Variants in MYO1B observed in about 807,000 individuals in gnomAD.
MYO1B encodes myosin IB, also known as unconventional myosin-Ib.
In MYO1B, 72 loss-of-function variants were observed where a neutral mutation model predicts 159.7. The ratio of observed to expected loss-of-function variants is 0.45; its 90% CI spans 0.37 to 0.55. MYO1B has a LOEUF of 0.55. MYO1B is among the 20% of genes least tolerant of loss of function. The probability of loss-of-function intolerance (pLI) is 0.00; values close to 1 mark genes in which losing one functional copy is unlikely to be tolerated. For missense variants in MYO1B, 1,062 were observed against 1,364.8 expected, an observed-to-expected ratio of 0.78 and a Z score of 3.50; for synonymous variants, 468 against 473.8, an observed-to-expected ratio of 0.99 and a Z score of 0.16.
rs753915369 is a variant in MYO1B, at chr2:191,423,822, A to G, written c.3288-15A>G. 22 of 1,600,696 alleles carry G rather than the reference A, an allele frequency of 1.4e-5. No homozygotes were observed. In the South Asian group the frequency reaches 2.0e-4, roughly 15 times the overall value. On this transcript the variant is annotated splice_polypyrimidine_tract_variant and intron_variant, in intron 30 of 30. Coordinates refer to ENST00000392318, the MANE Select transcript of MYO1B (RefSeq NM_001130158.3). ...TTTTGTGTATACTTTAATTTGTTTT[A>G]TTCTTTTCTCCTAGGTTCCTGGTAC...
intron 29 of MYO1B, among the ~76,000 whole-genome samples, chr2:191,415,667 A>C (rs1033990226): frequency 1.1e-4 from 17 of 151,586 alleles, no homozygotes; most frequent in African/African-American, 4.1e-4. Flanking sequence ...CCACTGCCCT[A>C]GGATATTTGT....
chr2:191,386,738 C>A (rs1280906091), intron 16 of MYO1B, among the ~76,000 whole-genome samples: 1 of 152,006 alleles, frequency 6.6e-6, no homozygotes, highest in African/African-American at 2.4e-5. Context: ...CCTTTAATTT[C>A]AAAATGTTAG....
intron 12 of MYO1B, among the ~76,000 whole-genome samples, chr2:191,369,996 A>G (rs1035539597): frequency 3.3e-5 from 5 of 152,186 alleles, no homozygotes; most frequent in Non-Finnish European, 7.3e-5. Context: ...GGACTAGGTG[A>G]TTTTGAAAGG....
At chr2:191,279,326 CT>C (rs1687917769) in intron 2 of MYO1B, among the ~76,000 whole-genome samples, 2 of 151,222 alleles carry the variant, frequency 1.3e-5, no homozygotes, top group Non-Finnish European at 2.9e-5. Context: ...TAGTATGATC[CT>C]TTTGTAAAAG....
intron 3 of MYO1B, among the ~76,000 whole-genome samples, chr2:191,315,938 G>T (rs1319894149): frequency 6.6e-6 from 1 of 152,182 alleles, no homozygotes; most frequent in Non-Finnish European, 1.5e-5. Flanking sequence ...GGGGAACAAG[G>T]TTTCGGCTCC....
intron 13 of MYO1B, among the ~76,000 whole-genome samples, chr2:191,377,094 G>A (rs1694756382): frequency 1.3e-5 from 2 of 152,208 alleles, no homozygotes; most frequent in South Asian, 4.2e-4. Flanking sequence ...ATTCTTAAAA[G>A]AAGCCCTAGC....
At chr2:191,327,942 C>G (rs537999218) in intron 3 of MYO1B, among the ~76,000 whole-genome samples, 22 of 152,252 alleles carry the variant, frequency 1.4e-4, no homozygotes, top group Non-Finnish European at 2.1e-4. Flanking sequence ...CAAAATAAGA[C>G]TAGGGGTGGC....
chr2:191,369,380 T>C (rs1306664712), intron 11 of MYO1B, among the ~76,000 whole-genome samples, 162 bp from the exon 12 acceptor site: 1 of 152,246 alleles, frequency 6.6e-6, no homozygotes, highest in African/African-American at 2.4e-5. Context: ...ATTTGCCTAA[T>C]TCTCTTAAAG....
chr2:191,315,037 G>A (rs574823872), intron 3 of MYO1B, among the ~76,000 whole-genome samples: 1 of 152,216 alleles, frequency 6.6e-6, no homozygotes, highest in South Asian at 2.1e-4. Context: ...AATGTTACAG[G>A]TGTAAGTGAA....
At chr2:191,311,416 C>A (rs1574401247) in intron 3 of MYO1B, among the ~76,000 whole-genome samples, 2 of 152,268 alleles carry the variant, frequency 1.3e-5, no homozygotes, top group East Asian at 3.9e-4. Context: ...CGGAGGGTTT[C>A]ATTTTTACTT....
chr2:191,275,803 T>C (rs1687716808), intron 1 of MYO1B, among the ~76,000 whole-genome samples: 2 of 152,232 alleles, frequency 1.3e-5, no homozygotes, highest in Non-Finnish European at 2.9e-5. Context: ...AATTTAGTTT[T>C]ACCATTTTAC....
intron 9 of MYO1B, among the ~76,000 whole-genome samples, chr2:191,362,810 A>G (rs915417764): frequency 6.6e-6 from 1 of 152,358 alleles, no homozygotes; most frequent in Middle Eastern, 3.4e-3. Context: ...ATTAGAAAAG[A>G]TGATTTTAAA....
At chr2:191,296,364 G>T (rs1317902457) in intron 3 of MYO1B, 138 bp downstream of exon 3, 3 of 338,000 alleles carry the variant, frequency 8.9e-6, no homozygotes, top group Admixed American at 5.6e-5. Context: ...AAAGTATGAA[G>T]ACTTTAATTG....
At chr2:191,346,800 T>C (rs1444697853) in intron 6 of MYO1B, among the ~76,000 whole-genome samples, 2 of 152,120 alleles carry the variant, frequency 1.3e-5, no homozygotes, top group East Asian at 3.9e-4. Flanking sequence ...CAAATCTATT[T>C]GGTGTTTTGA....
chr2:191,346,235 G>A lies in MYO1B; in HGVS notation c.452-1G>A. 2 of 1,564,608 alleles carry A rather than the reference G, an allele frequency of 1.3e-6. No individual in the cohort carries two copies. The highest frequency in any genetic ancestry group is 8.7e-7 in the Non-Finnish European group (1 of 1,153,706). On this transcript the variant is annotated splice_acceptor_variant, in intron 5 of 30. Coordinates refer to ENST00000392318, the MANE Select transcript of MYO1B (RefSeq NM_001130158.3). LOFTEE classifies it high-confidence loss of function. The stretch of plus-strand genomic sequence containing the variant: ...CCATACATCTGTTTCTTTCCTACTA[G>A]CTTTTGGAAATGCCAAAACTGTAAG...
chr2:191,413,372 ATTGAC>A (rs1483842382), intron 27 of MYO1B, among the ~76,000 whole-genome samples: 1 of 152,182 alleles, frequency 6.6e-6, no homozygotes, highest in Admixed American at 6.5e-5. Context: ...CATGTGGTTT[ATTGAC>A]CACTGTACTG....
intron 1 of MYO1B, among the ~76,000 whole-genome samples, chr2:191,255,603 TA>T (rs1240140641): frequency 1.3e-5 from 2 of 152,370 alleles, no homozygotes; most frequent in East Asian, 3.9e-4. Flanking sequence ...TAAATCAAGT[TA>T]TTAATTCTTA....
chr2:191,400,282 ATGGGTGT>A, intron 21 of MYO1B, 93 bp from the exon 22 acceptor site: 1 of 1,236,246 alleles, frequency 8.1e-7, no homozygotes, highest in East Asian at 2.3e-5. Context: ...TCACAATAGC[ATGGGTGT>A]TAGGACGATC....
rs896891970 is a variant in MYO1B, at chr2:191,344,857, A to G, written c.452-1379A>G. Reference sequence around the variant, plus strand: ...AAAAAAAAAAAAAAAAAAAAGAATCAAAAACACGAAAAAGCCACTCCACAC... The same window carrying G: ...AAAAAAAAAAAAAAAAAAAAGAATCGAAAACACGAAAAAGCCACTCCACAC... On this transcript the variant is annotated intron_variant, in intron 5 of 30. Transcript: ENST00000392318. Among the ~76,000 whole-genome samples, 7 of 150,908 alleles carry G rather than the reference A, an allele frequency of 4.6e-5. No individual in the cohort carries two copies. In the East Asian group the frequency reaches 1.2e-3, roughly 25 times the overall value.
Sources: gnomAD v4.1 joint callset for allele counts (sites outside exome capture counted in the v4.1 genomes callset) on GRCh38, gnomAD v4.1.1 for gene constraint, MANE v1.5 for transcripts, NCBI Gene and HGNC (gene_info 2026-07-23, HGNC 2026-07-21) for gene names.